Variants in RAD51B observed in about 807,000 individuals in gnomAD.
The protein encoded by RAD51B is DNA repair protein RAD51 homolog 2.
A neutral mutation model predicts 42.2 loss-of-function variants in RAD51B; 38 were observed. The ratio of observed to expected loss-of-function variants is 0.90; its 90% CI spans 0.70 to 1.18. The LOEUF (loss-of-function observed/expected upper bound fraction) is 1.18. RAD51B is among the 50% of genes most tolerant of loss of function. The pLI is 0.00. For missense variants in RAD51B, 373 were observed against 400.7 expected, an observed-to-expected ratio of 0.93 and a Z score of 0.59; for synonymous variants, 154 against 145.2, an observed-to-expected ratio of 1.06 and a Z score of -0.43.
At chr14:68,409,873 G>A (rs1254816722) in intron 8 of RAD51B, among the ~76,000 whole-genome samples, 1 of 152,222 alleles carries the variant, frequency 6.6e-6, no homozygotes, top group Non-Finnish European at 1.5e-5. Context: ...ATTTTGAATT[G>A]TGTGCATAAT....
intron 2 of RAD51B, 90 bp downstream of exon 2, chr14:67,823,717 T>A: frequency 1.1e-6 from 1 of 944,260 alleles, no homozygotes; most frequent in Non-Finnish European, 1.6e-6. Flanking sequence ...TATGAAAATG[T>A]AGGCTTACAA....
chr14:68,375,287 T>G (rs1356767936), intron 8 of RAD51B, among the ~76,000 whole-genome samples: 1 of 151,824 alleles, frequency 6.6e-6, no homozygotes, highest in Admixed American at 6.6e-5. Context: ...GTGGGTGAGG[T>G]GGGGGAGCTC....
chr14:68,431,664 A>C (rs1190224917), intron 9 of RAD51B, among the ~76,000 whole-genome samples: 1 of 151,950 alleles, frequency 6.6e-6, no homozygotes, highest in Non-Finnish European at 1.5e-5. Flanking sequence ...TAGTCTTGCT[A>C]GTGGTCTATC....
intron 8 of RAD51B, among the ~76,000 whole-genome samples, chr14:68,394,231 C>A (rs2083847509): frequency 6.6e-6 from 1 of 152,228 alleles, no homozygotes; most frequent in Admixed American, 6.5e-5. Context: ...TTCCGCAAAC[C>A]CTTCCCCACC....
chr14:68,433,626 G>A (rs563398066), intron 9 of RAD51B, among the ~76,000 whole-genome samples: 7 of 152,224 alleles, frequency 4.6e-5, no homozygotes, highest in Non-Finnish European at 1.0e-4. Flanking sequence ...CTCTACACTG[G>A]TTATTCTAGT....
At chr14:67,991,960 G>A (rs10143843) in intron 7 of RAD51B, among the ~76,000 whole-genome samples, 43,029 of 151,802 alleles carry the variant, frequency 0.28, 8,173 homozygotes, top group African/African-American at 0.54. Context: ...GTAGGGGTAG[G>A]AAAAAAGGCT....
intron 8 of RAD51B, among the ~76,000 whole-genome samples, chr14:68,375,488 T>G (rs1225883304): frequency 1.3e-5 from 2 of 152,202 alleles, no homozygotes; most frequent in Non-Finnish European, 2.9e-5. Context: ...TTCTCAGGGC[T>G]ACTTTCCCAG....
chr14:67,884,992 T>C (rs2140049247), intron 5 of RAD51B, among the ~76,000 whole-genome samples: 1 of 152,304 alleles, frequency 6.6e-6, no homozygotes, highest in African/African-American at 2.4e-5. Flanking sequence ...CTTTTGAGTC[T>C]CTAAATGGAA....
intron 7 of RAD51B, among the ~76,000 whole-genome samples, chr14:67,906,328 T>C (rs539558319): frequency 2.0e-5 from 3 of 152,182 alleles, no homozygotes; most frequent in Non-Finnish European, 4.4e-5. Flanking sequence ...CATCTATGTT[T>C]ATCAGGGATA....
intron 7 of RAD51B, among the ~76,000 whole-genome samples, chr14:68,179,319 T>A (rs576639842): frequency 3.3e-5 from 5 of 152,264 alleles, no homozygotes; most frequent in African/African-American, 1.2e-4. Context: ...AGAATCTGAT[T>A]GGGATAAAAC....
chr14:67,970,684 T>TG (rs1249038766), intron 7 of RAD51B, among the ~76,000 whole-genome samples: 1 of 152,114 alleles, frequency 6.6e-6, no homozygotes, highest in Non-Finnish European at 1.5e-5. Flanking sequence ...CTCACCTTCT[T>TG]GTGATTGGTT....
At chr14:68,404,882 C>CATGACACA (rs2084221299) in intron 8 of RAD51B, among the ~76,000 whole-genome samples, 1 of 152,182 alleles carries the variant, frequency 6.6e-6, no homozygotes, top group African/African-American at 2.4e-5. Flanking sequence ...ATAAGATCCT[C>CATGACACA]ATGACACACT....
chr14:68,009,136 C>T (rs546168596), intron 7 of RAD51B, among the ~76,000 whole-genome samples: 3 of 151,964 alleles, frequency 2.0e-5, no homozygotes, highest in South Asian at 4.1e-4. Context: ...ATTATATCTA[C>T]GGTGGAAATC....
chr14:68,657,386 G>A (rs1032078056), intron 11 of RAD51B, among the ~76,000 whole-genome samples: 2 of 152,158 alleles, frequency 1.3e-5, no homozygotes, highest in African/African-American at 4.8e-5. Flanking sequence ...TCGCTATATT[G>A]CCCAGACTGG....
intron 7 of RAD51B, among the ~76,000 whole-genome samples, chr14:67,890,184 C>G (rs998094148): frequency 6.6e-6 from 1 of 152,028 alleles, no homozygotes. Context: ...AGTTATTATA[C>G]GTATTGTAAA....
At chr14:68,190,501 A>G (rs1204781590) in intron 7 of RAD51B, among the ~76,000 whole-genome samples, 1 of 152,204 alleles carries the variant, frequency 6.6e-6, no homozygotes, top group Admixed American at 6.5e-5. Context: ...TATATTCAGT[A>G]ACCTAAATGA....
intron 8 of RAD51B, among the ~76,000 whole-genome samples, chr14:68,359,191 G>A (rs2082968896): frequency 1.3e-5 from 2 of 152,066 alleles, no homozygotes; most frequent in Admixed American, 6.5e-5. Flanking sequence ...CCCACCAAGA[G>A]GAGCAAGCAG....
chr14:68,679,881 C>A (rs758024935), intron 11 of RAD51B, among the ~76,000 whole-genome samples: 4 of 152,232 alleles, frequency 2.6e-5, no homozygotes, highest in Non-Finnish European at 2.9e-5. Flanking sequence ...ATATGCACTT[C>A]TTTCCAGTAG....
At chr14:68,264,813 T>A (rs1006854417) in intron 7 of RAD51B, among the ~76,000 whole-genome samples, 2 of 152,206 alleles carry the variant, frequency 1.3e-5, no homozygotes, top group East Asian at 1.9e-4. Context: ...GGGTCAGCAC[T>A]GTGTTTAATT....
Sources: allele counts gnomAD v4.1 joint callset (sites outside exome capture counted in the v4.1 genomes callset), GRCh38; gene constraint gnomAD v4.1.1; transcripts MANE v1.5; gene names NCBI Gene and HGNC (gene_info 2026-07-23, HGNC 2026-07-21).